Variants in ASAP1 observed in about 807,000 individuals in gnomAD.
ASAP1 encodes ArfGAP with SH3 domain, ankyrin repeat and PH domain 1, also known as arf-GAP with SH3 domain, ANK repeat and PH domain-containing protein 1.
In ASAP1, 43 loss-of-function variants were observed where a neutral mutation model predicts 145.2. The observed-to-expected ratio is 0.30, with a 90% confidence interval of 0.23 to 0.38. The LOEUF is 0.38. Among genes scored for constraint, ASAP1 ranks in the 10% least tolerant of loss-of-function variants. ASAP1 has a pLI of 1.00. For synonymous variants in ASAP1, 546 were observed against 515.5 expected (o/e 1.06, Z -0.80); for missense variants, 1,018 against 1,355.3 (o/e 0.75, Z 3.91).
At chr8:130,210,974 A>T (rs1210265983) in intron 5 of ASAP1, among the ~76,000 whole-genome samples, 1 of 152,112 alleles carries the variant, frequency 6.6e-6, no homozygotes. Flanking sequence ...AGAAACAGTC[A>T]CTCTTATTTA....
chr8:130,437,640 C>T (rs1310925193), intron 1 of ASAP1, among the ~76,000 whole-genome samples: 2 of 152,184 alleles, frequency 1.3e-5, no homozygotes, highest in Non-Finnish European at 2.9e-5. Context: ...ATGAAATAGG[C>T]ACACAGTGTT....
intron 2 of ASAP1, among the ~76,000 whole-genome samples, chr8:130,378,497 A>G (rs1416012723): frequency 2.0e-5 from 3 of 152,224 alleles, no homozygotes; most frequent in Non-Finnish European, 4.4e-5. Flanking sequence ...TGACACGCAC[A>G]TAGATGTGGA....
rs773462101 is a variant in ASAP1, at chr8:130,093,108, T to TA, written c.2402-966dup. Among the ~76,000 whole-genome samples, 22 of 151,894 alleles carry TA rather than the reference T, an allele frequency of 1.4e-4. No individual in the cohort carries two copies. In the South Asian group the frequency reaches 2.9e-3, roughly 20 times the overall value. On this transcript the variant is annotated intron_variant, in intron 24 of 29. Coordinates refer to ENST00000518721, the MANE Select transcript of ASAP1 (RefSeq NM_018482.4). ...TATATAGACACTGATTTTTATAGAC[T>TA]AAAAAAAAGACTCAACTTTCTCCAG...
At chr8:130,348,687 C>T (rs1825829919) in intron 3 of ASAP1, among the ~76,000 whole-genome samples, 1 of 152,148 alleles carries the variant, frequency 6.6e-6, no homozygotes, top group African/African-American at 2.4e-5. Context: ...AATGAAAATT[C>T]AAGGAGAGAT....
intron 3 of ASAP1, among the ~76,000 whole-genome samples, chr8:130,349,181 C>G (rs1825858008): frequency 6.6e-6 from 1 of 152,200 alleles, no homozygotes; most frequent in Non-Finnish European, 1.5e-5. Context: ...TGCTTCAGAT[C>G]AAATTGGCTA....
At chr8:130,403,675 C>T (rs1828903990) in intron 1 of ASAP1, among the ~76,000 whole-genome samples, 1 of 151,756 alleles carries the variant, frequency 6.6e-6, no homozygotes, top group South Asian at 2.1e-4. Context: ...CCCTCAGCCT[C>T]CCAAGTAGCT....
intron 29 of ASAP1, among the ~76,000 whole-genome samples, chr8:130,057,591 G>A (rs2097407002): frequency 6.6e-6 from 1 of 152,102 alleles, no homozygotes; most frequent in African/African-American, 2.4e-5. Flanking sequence ...TGGGACTACA[G>A]GTGCGTGCCA....
At chr8:130,341,531 A>G (rs1825381572) in intron 3 of ASAP1, among the ~76,000 whole-genome samples, 1 of 152,236 alleles carries the variant, frequency 6.6e-6, no homozygotes, top group Non-Finnish European at 1.5e-5. Flanking sequence ...CTTGAAAATT[A>G]AAATATTACT....
Position 130,387,561 on chromosome 8 carries a change from G to A in ASAP1, c.59+14324C>T, listed in dbSNP as rs570316463. Among the ~76,000 whole-genome samples, 151 of 149,642 alleles carry A rather than the reference G, an allele frequency of 1.0e-3. 1 individual carries two copies. Among genetic ancestry groups the A allele is most frequent in the Non-Finnish European group, 1.8e-3 (123 of 67,590 alleles). On this transcript the variant is annotated intron_variant, in intron 2 of 29. Coordinates refer to ENST00000518721, the MANE Select transcript of ASAP1 (RefSeq NM_018482.4). ...GAAAGAAAAAAAAAAAAAAGCACAG[G>A]TCCCAACCAATTTTTTAACTACTTG...
In ASAP1 at chr8:130,061,056, T is replaced by C; in HGVS notation, c.2715A>G (p.Lys905=). Residue 905 remains lysine, a synonymous_variant, in exon 28 of 30, where the codon AAA becomes AAG. Transcript: ENST00000518721. ...CTTTGTCTAGGGAGAGATGATCTGT[T>C]TTCCTTAGTGCCACTGTGGAAGCAA... ...PKLPQKVALR[K]TDHLSLDKAT... The C allele has an allele frequency of 2.0e-6, 3 of 1,523,382 alleles. No individual in the cohort carries two copies. 94.4% of individuals were successfully genotyped at this position (1,523,382 alleles called of 1,614,324 possible). A position where few individuals can be genotyped will look rare whatever the true frequency, so the allele number is the denominator to read the frequency against.
chr8:130,148,463 T>C (rs1055451603), intron 13 of ASAP1, among the ~76,000 whole-genome samples: 6 of 152,202 alleles, frequency 3.9e-5, no homozygotes, highest in Non-Finnish European at 8.8e-5. Context: ...ATTTCCAGCA[T>C]GGTGAGAAAT....
chr8:130,288,498 C>T (rs1487365164), intron 3 of ASAP1, among the ~76,000 whole-genome samples: 2 of 152,158 alleles, frequency 1.3e-5, no homozygotes, highest in South Asian at 4.1e-4. Context: ...CAGAGCACTG[C>T]CAGCTCTTAC....
intron 3 of ASAP1, among the ~76,000 whole-genome samples, chr8:130,352,868 T>C (rs928236029): frequency 6.6e-6 from 1 of 152,232 alleles, no homozygotes; most frequent in African/African-American, 2.4e-5. Context: ...TCTTCAGAAA[T>C]AACTGAACAC....
At chr8:130,118,878 A>G (rs965999428) in intron 18 of ASAP1, 2 of 317,048 alleles carry the variant, frequency 6.3e-6, no homozygotes, top group Non-Finnish European at 1.1e-5. Flanking sequence ...ATATACAAGT[A>G]ATAGATATAG....
intron 16 of ASAP1, among the ~76,000 whole-genome samples, chr8:130,126,399 G>A (rs1179359741): frequency 6.6e-6 from 1 of 152,196 alleles, no homozygotes; most frequent in Admixed American, 6.5e-5. Flanking sequence ...CTCTGACAGT[G>A]ATGGACTGAA....
chr8:130,065,830 G>A (rs1257540099), intron 27 of ASAP1, among the ~76,000 whole-genome samples: 3 of 152,158 alleles, frequency 2.0e-5, no homozygotes, highest in Non-Finnish European at 2.9e-5. Flanking sequence ...TTTCATAATC[G>A]TGTACTAGCC....
chr8:130,074,440 AAC>A (rs57005471), intron 27 of ASAP1, among the ~76,000 whole-genome samples: 23,734 of 119,164 alleles, frequency 0.2, 2,000 homozygotes, highest in South Asian at 0.24. Context: ...CCAAATAGTA[AAC>A]ACACACACAC....
chr8:130,231,566 A>G (rs1183709202), intron 4 of ASAP1, among the ~76,000 whole-genome samples: 1 of 152,188 alleles, frequency 6.6e-6, no homozygotes, highest in Admixed American at 6.5e-5. Flanking sequence ...TAATTTGAGC[A>G]AAGAAAAAAA....
At chr8:130,180,458 C>G (rs191833466) in intron 8 of ASAP1, among the ~76,000 whole-genome samples, 1 of 152,174 alleles carries the variant, frequency 6.6e-6, no homozygotes, top group African/African-American at 2.4e-5. Flanking sequence ...CCAGTGTTAC[C>G]TCTCACCAAT....
Sources: allele counts gnomAD v4.1 joint callset (sites outside exome capture counted in the v4.1 genomes callset), GRCh38; gene constraint gnomAD v4.1.1; transcripts MANE v1.5; gene names NCBI Gene and HGNC (gene_info 2026-07-23, HGNC 2026-07-21).